Variants in PSPC1 observed in about 807,000 individuals in gnomAD.
PSPC1 encodes the protein paraspeckle component 1, also known as paraspeckle protein 1.
A neutral mutation model predicts 51.6 loss-of-function variants in PSPC1; 14 were observed. The ratio of observed to expected loss-of-function variants is 0.27; its 90% CI spans 0.18 to 0.42. The LOEUF is 0.42. PSPC1 is among the 10% of genes least tolerant of loss of function. The pLI, the probability that PSPC1 is intolerant of heterozygous loss-of-function variation, is 1.00. For synonymous variants in PSPC1, 193 were observed against 231.9 expected, an observed-to-expected ratio of 0.83 and a Z score of 1.53; for missense variants, 406 against 701.1, an observed-to-expected ratio of 0.58 and a Z score of 4.75.
At chr13:19,692,537 TA>T (rs1878692174) in intron 6 of PSPC1, among the ~76,000 whole-genome samples, 1 of 152,198 alleles carries the variant, frequency 6.6e-6, no homozygotes, top group African/African-American at 2.4e-5. Flanking sequence ...TCCTGTGAGA[TA>T]ATATATTTAC....
downstream of PSPC1, among the ~76,000 whole-genome samples, chr13:19,698,529 A>G (rs1440737403): frequency 6.6e-6 from 1 of 151,914 alleles, no homozygotes; most frequent in Non-Finnish European, 1.5e-5. Flanking sequence ...GTACATTTCC[A>G]CTTGAACCTA....
intron 6 of PSPC1, among the ~76,000 whole-genome samples, chr13:19,717,865 G>A (rs1882306068): frequency 6.9e-6 from 1 of 145,352 alleles, no homozygotes; most frequent in South Asian, 2.2e-4. Context: ...GACAGAGGGA[G>A]ACTCCACTTT....
intron 4 of PSPC1, among the ~76,000 whole-genome samples, chr13:19,746,709 ATT>A (rs951507799): frequency 6.6e-6 from 1 of 152,074 alleles, no homozygotes; most frequent in African/African-American, 2.4e-5. Context: ...TCAAAAAAAA[ATT>A]TTTTTTTAAT....
chr13:19,730,967 A>AAAAAAAAAAAC (rs1884016570), intron 5 of PSPC1, among the ~76,000 whole-genome samples: 1 of 140,454 alleles, frequency 7.1e-6, no homozygotes, highest in Admixed American at 7.2e-5. Flanking sequence ...CAAAAAAACA[A>AAAAAAAAAAAC]AAAAAAAAAA....
intron 6 of PSPC1, among the ~76,000 whole-genome samples, chr13:19,688,788 A>G (rs994520915): frequency 2.6e-5 from 4 of 152,184 alleles, no homozygotes; most frequent in African/African-American, 9.7e-5. Context: ...TCACAAATAT[A>G]ACAATGACAT....
intron 6 of PSPC1, among the ~76,000 whole-genome samples, chr13:19,685,304 GAACACAT>G (rs1320568552): frequency 6.6e-6 from 1 of 152,170 alleles, no homozygotes; most frequent in African/African-American, 2.4e-5. Flanking sequence ...CCCTTTGTTA[GAACACAT>G]ACTATTTCCC....
chr13:19,717,876 A>T (rs962175252), intron 6 of PSPC1, among the ~76,000 whole-genome samples: 2 of 105,828 alleles, frequency 1.9e-5, no homozygotes, highest in Non-Finnish European at 4.2e-5. Flanking sequence ...ACTCCACTTT[A>T]AAAAAAAAAA....
intron 1 of PSPC1, among the ~76,000 whole-genome samples, chr13:19,776,895 A>G (rs1438270166): frequency 1.2e-4 from 18 of 148,828 alleles, no homozygotes; most frequent in East Asian, 6.1e-4. Flanking sequence ...GGAGGCCGAG[A>G]CAGGTGGATC....
downstream of PSPC1, among the ~76,000 whole-genome samples, chr13:19,698,076 G>A (rs1879458621): frequency 6.6e-6 from 1 of 151,948 alleles, no homozygotes; most frequent in Non-Finnish European, 1.5e-5. Flanking sequence ...AACATATAAT[G>A]CCCTTTTGCA....
intron 2 of PSPC1, 45 bp downstream of exon 2, chr13:19,772,197 C>A: frequency 6.4e-7 from 1 of 1,566,584 alleles, no homozygotes; most frequent in Non-Finnish European, 8.7e-7. Flanking sequence ...AGAGAGAAGC[C>A]CATATGTAAC....
chr13:19,715,992 C>T (rs972771662), intron 6 of PSPC1, among the ~76,000 whole-genome samples: 6 of 151,086 alleles, frequency 4.0e-5, no homozygotes, highest in Non-Finnish European at 8.8e-5. Context: ...CCAGACTGGG[C>T]GATACAGCAA....
intron 6 of PSPC1, among the ~76,000 whole-genome samples, chr13:19,693,259 A>G (rs1386801186): frequency 6.6e-6 from 1 of 152,180 alleles, no homozygotes; most frequent in East Asian, 1.9e-4. Flanking sequence ...CATCTTAGTG[A>G]AATCTTCCCA....
intron 6 of PSPC1, among the ~76,000 whole-genome samples, chr13:19,723,067 C>T (rs568026859): frequency 4.6e-5 from 7 of 152,234 alleles, no homozygotes; most frequent in Non-Finnish European, 8.8e-5. Context: ...GTCAAGATCA[C>T]GCCACTGCAC....
chr13:19,680,497 C>T (rs1382006579), intron 6 of PSPC1, among the ~76,000 whole-genome samples: 1 of 152,100 alleles, frequency 6.6e-6, no homozygotes, highest in Non-Finnish European at 1.5e-5. Flanking sequence ...CAATGATACT[C>T]ATAATTTGGA....
intron 5 of PSPC1, among the ~76,000 whole-genome samples, chr13:19,734,020 G>T (rs1321698550): frequency 6.6e-6 from 1 of 152,076 alleles, no homozygotes; most frequent in Non-Finnish European, 1.5e-5. Context: ...TACCACATTG[G>T]AAATGATTAG....
chr13:19,675,633 T>G (rs1341593388), intron 7 of PSPC1: 4 of 152,194 alleles, frequency 2.6e-5, no homozygotes, highest in African/African-American at 9.7e-5. Flanking sequence ...GAACAGGATA[T>G]TTCCCACAAA....
chr13:19,728,941 T>C (rs1883706027), intron 6 of PSPC1, among the ~76,000 whole-genome samples: 1 of 152,162 alleles, frequency 6.6e-6, no homozygotes, highest in South Asian at 2.1e-4. Flanking sequence ...CCACAGACAC[T>C]ATAAAAAGGT....
chr13:19,750,788 T>C (rs1396547177), intron 4 of PSPC1, among the ~76,000 whole-genome samples: 1 of 11,248 alleles, frequency 8.9e-5, no homozygotes, highest in Non-Finnish European at 4.9e-3. Flanking sequence ...ATTTTTTTTT[T>C]GAGACAGTTT....
intron 1 of PSPC1, among the ~76,000 whole-genome samples, chr13:19,780,931 A>G (rs534888693): frequency 6.6e-6 from 1 of 152,206 alleles, no homozygotes; most frequent in African/African-American, 2.4e-5. Context: ...CCAAGGCGGG[A>G]GGATCGTTTG....
Sources: allele counts gnomAD v4.1 joint callset (sites outside exome capture counted in the v4.1 genomes callset), GRCh38; gene constraint gnomAD v4.1.1; transcripts MANE v1.5; gene names NCBI Gene and HGNC (gene_info 2026-07-23, HGNC 2026-07-21).